Variants in FAM171B observed in about 807,000 individuals in gnomAD.
The protein encoded by FAM171B is family with sequence similarity 171 member B.
FAM171B carries 19 observed loss-of-function variants against 75.6 expected under a neutral mutation model. That is an observed-to-expected ratio of 0.25 (90% CI 0.18 to 0.37). FAM171B has a LOEUF of 0.37. FAM171B is among the 10% of genes least tolerant of loss of function. The pLI is 1.00. For missense variants in FAM171B, 848 were observed against 982.4 expected, an observed-to-expected ratio of 0.86 and a Z score of 1.83; for synonymous variants, 367 against 361.7, an observed-to-expected ratio of 1.01 and a Z score of -0.17.
intron 6 of FAM171B, among the ~76,000 whole-genome samples, chr2:186,758,217 C>T (rs1268567089): frequency 2.0e-5 from 3 of 152,136 alleles, no homozygotes; most frequent in Non-Finnish European, 2.9e-5. Context: ...TTAGATATAA[C>T]TGTTACTGCT....
In FAM171B at chr2:186,731,366, T is replaced by C. The variant is rs111497578; in HGVS notation, c.239-8862T>C. On this transcript the variant is annotated intron_variant, in intron 1 of 7. Coordinates refer to ENST00000304698, the MANE Select transcript of FAM171B (RefSeq NM_177454.4). Reference sequence around the variant, plus strand: ...ACTAGGGAAGCACTAGAAAGCACAATGGTAAGGCCTCATAGACTTTCCAAG... The same window carrying C: ...ACTAGGGAAGCACTAGAAAGCACAACGGTAAGGCCTCATAGACTTTCCAAG... 8.9e-3 allele frequency among the ~76,000 whole-genome samples: 1,348 copies of C among 152,296 alleles called. 26 individuals carry two copies. Among genetic ancestry groups the C allele is most frequent in the African/African-American group, 0.031 (1,281 of 41,564 alleles).
At chr2:186,727,969 G>A (rs1690059892) in intron 1 of FAM171B, among the ~76,000 whole-genome samples, 1 of 152,078 alleles carries the variant, frequency 6.6e-6, no homozygotes, top group Non-Finnish European at 1.5e-5. Context: ...GGTGGGTAGA[G>A]AGCAAACTAG....
intron 1 of FAM171B, among the ~76,000 whole-genome samples, chr2:186,709,132 G>C (rs968955537): frequency 6.6e-6 from 1 of 151,998 alleles, no homozygotes; most frequent in Admixed American, 6.6e-5. Context: ...TAAACGACCA[G>C]ATCTTGTGAG....
intron 1 of FAM171B, among the ~76,000 whole-genome samples, chr2:186,719,654 C>T (rs971387643): frequency 7.9e-5 from 12 of 152,186 alleles, no homozygotes; most frequent in South Asian, 2.1e-4. Flanking sequence ...TAACTCCCTG[C>T]GGAGACAGGA....
chr2:186,722,614 A>G (rs1392099241), intron 1 of FAM171B, among the ~76,000 whole-genome samples: 3 of 152,200 alleles, frequency 2.0e-5, no homozygotes, highest in African/African-American at 7.2e-5. Context: ...TTTATCATGC[A>G]GTAAAGAAAA....
At position 186,761,203 on chromosome 2, in the gene FAM171B, T is replaced by C. The variant is rs775888958; in HGVS notation, c.1103T>C (p.Ile368Thr). 3 of 1,612,342 alleles carry C rather than the reference T, an allele frequency of 1.9e-6. No homozygotes were observed. The highest frequency in any genetic ancestry group is 1.3e-5 in the African/African-American group (1 of 74,846). Residue 368 changes from isoleucine to threonine, a missense_variant, in exon 7 of 8, where the codon ATT (isoleucine) becomes ACT (threonine). Ile to Thr is a moderately conservative substitution (Grantham distance 89). Coordinates refer to ENST00000304698, the MANE Select transcript of FAM171B (RefSeq NM_177454.4). The part of the protein sequence containing the change: ...AILGGTIVIV[I>T]GFFAVLLCYC... The stretch of plus-strand genomic sequence containing the variant: ...TTAGGAGGAACAATAGTCATTGTCA[T>C]TGGATTTTTTGCTGTACTACTTTGT...
Position 186,694,277 on chromosome 2 carries a change from G to C in FAM171B, c.104G>C (p.Ser35Thr), listed in dbSNP as rs1689540883. The change falls in exon 1 of 8, where the codon AGC becomes ACC. Residue 35 changes from serine (S) to threonine (T), a missense_variant. Ser to Thr is a moderately conservative substitution (Grantham distance 58). Coordinates refer to ENST00000304698, the MANE Select transcript of FAM171B (RefSeq NM_177454.4). ...LVPAAARAEL[S>T]RSDLSLIQQQ... ...CCCGCGGCCGCCAGAGCGGAACTCA[G>C]CCGCTCCGACCTCAGCCTCATCCAA... 1.2e-6 allele frequency: 2 copies of C among 1,612,154 alleles called. No individual in the cohort carries two copies. Among genetic ancestry groups the C allele is most frequent in the Non-Finnish European group, 1.7e-6 (2 of 1,179,614 alleles).
At chr2:186,701,792 A>C (rs1396942459) in intron 1 of FAM171B, among the ~76,000 whole-genome samples, 1 of 152,180 alleles carries the variant, frequency 6.6e-6, no homozygotes, top group East Asian at 1.9e-4. Flanking sequence ...AGTGTTCTTA[A>C]TGTGAGTAAG....
At position 186,738,049 on chromosome 2, in the gene FAM171B, A is replaced by G. The variant is rs76852942; in HGVS notation, c.239-2179A>G. 1.4e-3 allele frequency among the ~76,000 whole-genome samples: 219 copies of G among 152,290 alleles called. 7 individuals carry two copies. The East Asian group carries it at 0.019, about 13-fold the overall frequency. ...GGGTGCTGGCATCTAGACTAGGGGA[A>G]CATGGTGATCCATGTTTAGAGATGC... On this transcript the variant is annotated intron_variant, in intron 1 of 7. Transcript: ENST00000304698.
intron 4 of FAM171B, among the ~76,000 whole-genome samples, chr2:186,747,839 CA>C (rs879276971): frequency 6.6e-6 from 1 of 152,100 alleles, no homozygotes; most frequent in Non-Finnish European, 1.5e-5. Flanking sequence ...GTTAGTGGAA[CA>C]ATGGAATTTT....
At chr2:186,731,461 A>G (rs931917401) in intron 1 of FAM171B, among the ~76,000 whole-genome samples, 3 of 152,198 alleles carry the variant, frequency 2.0e-5, no homozygotes, top group African/African-American at 7.2e-5. Context: ...GATAGAATCT[A>G]TCTGGCTTAT....
intron 1 of FAM171B, among the ~76,000 whole-genome samples, chr2:186,713,563 C>T (rs956666672): frequency 5.3e-5 from 8 of 151,870 alleles, no homozygotes; most frequent in Admixed American, 2.6e-4. Flanking sequence ...ATAGGTAGGG[C>T]GAGAGAAAAA....
chr2:186,715,810 C>A (rs186962482), intron 1 of FAM171B, among the ~76,000 whole-genome samples: 1 of 152,088 alleles, frequency 6.6e-6, no homozygotes. Context: ...GAAATAGGAA[C>A]TAAGATTGGG....
rs1486730534 is a variant in FAM171B, at chr2:186,754,055, G to A, written c.1012+6G>A. The A allele has an allele frequency of 1.3e-6, 2 of 1,571,992 alleles. No individual in the cohort carries two copies. Among genetic ancestry groups the A allele is most frequent in the Non-Finnish European group, 1.7e-6 (2 of 1,158,178 alleles). ...TCCACTTCCAGGAACTAGAGGTATT[G>A]TAAAAAATGAAAGTAATTAAAACAT... On this transcript the variant is annotated splice_donor_region_variant and intron_variant, in intron 6 of 7. Coordinates refer to ENST00000304698, the MANE Select transcript of FAM171B (RefSeq NM_177454.4).
intron 2 of FAM171B, among the ~76,000 whole-genome samples, chr2:186,742,744 T>C (rs1123176): frequency 0.16 from 24,792 of 152,134 alleles, 2,168 homozygotes; most frequent in Middle Eastern, 0.25. Flanking sequence ...TGAGAACTCC[T>C]CAAAACTGAT....
At chr2:186,724,441 G>C (rs1169214623) in intron 1 of FAM171B, among the ~76,000 whole-genome samples, 1 of 152,134 alleles carries the variant, frequency 6.6e-6, no homozygotes, top group African/African-American at 2.4e-5. Flanking sequence ...TCCCTATGTA[G>C]AGACACTTTG....
At chr2:186,720,700 C>CAA (rs71411184) in intron 1 of FAM171B, among the ~76,000 whole-genome samples, 36,113 of 109,788 alleles carry the variant, frequency 0.33, 6,289 homozygotes, top group East Asian at 0.63. Context: ...AGATCATGTA[C>CAA]AAAAAAAAAA....
intron 1 of FAM171B, among the ~76,000 whole-genome samples, chr2:186,736,563 T>TGG (rs1204240519): frequency 2.8e-4 from 35 of 126,476 alleles, no homozygotes; most frequent in Non-Finnish European, 5.8e-4. Flanking sequence ...TGTGTGTGTG[T>TGG]GTGGGAGAGA....
intron 6 of FAM171B, among the ~76,000 whole-genome samples, chr2:186,760,884 C>T (rs761725637): frequency 6.6e-6 from 1 of 152,022 alleles, no homozygotes; most frequent in African/African-American, 2.4e-5. Flanking sequence ...GGCAGAGCCA[C>T]ACCATGCAAA....
Sources: allele counts gnomAD v4.1 joint callset (sites outside exome capture counted in the v4.1 genomes callset), GRCh38; gene constraint gnomAD v4.1.1; transcripts MANE v1.5; gene names NCBI Gene and HGNC (gene_info 2026-07-23, HGNC 2026-07-21).